ZMYM2: variants seen among roughly 807,000 people sequenced by gnomAD.
ZMYM2 encodes zinc finger MYM-type protein 2.
A neutral mutation model predicts 162.8 loss-of-function variants in ZMYM2; 56 were observed. The ratio of observed to expected loss-of-function variants is 0.34; its 90% CI spans 0.28 to 0.43. The LOEUF (loss-of-function observed/expected upper bound fraction) is 0.43. Among genes scored for constraint, ZMYM2 ranks in the 20% least tolerant of loss-of-function variants. ZMYM2 has a pLI of 1.00. For synonymous variants in ZMYM2, 510 were observed against 541.6 expected (o/e 0.94, Z 0.81); for missense variants, 1,275 against 1,621.8 (o/e 0.79, Z 3.67).
chr13:20,037,342 A>G (rs551215597), intron 12 of ZMYM2, among the ~76,000 whole-genome samples: 15 of 150,804 alleles, frequency 9.9e-5, no homozygotes, highest in Non-Finnish European at 1.8e-4. Flanking sequence ...CAGCCTCCCA[A>G]GTAGCTGGGA....
intron 2 of ZMYM2, among the ~76,000 whole-genome samples, chr13:19,975,496 G>A (rs1956702213): frequency 6.6e-6 from 1 of 152,142 alleles, no homozygotes; most frequent in African/African-American, 2.4e-5. Flanking sequence ...GTATGTATCA[G>A]AGTTTTATTC....
chr13:20,072,380 GT>G (rs1259640006), intron 21 of ZMYM2, among the ~76,000 whole-genome samples: 1 of 152,104 alleles, frequency 6.6e-6, no homozygotes, highest in Non-Finnish European at 1.5e-5. Flanking sequence ...AATTAGCTGG[GT>G]GTAGTGGCGA....
chr13:19,914,696 C>T, the ZMYM2 span, among the ~76,000 whole-genome samples: 1 of 152,204 alleles, frequency 6.6e-6, no homozygotes, highest in African/African-American at 2.4e-5. Flanking sequence ...CCATGGTATT[C>T]CACAAAGCAT....
chr13:20,082,986 G>T lies in ZMYM2; in HGVS notation c.3774G>T (p.Ala1258=), dbSNP rs377253324. 1.2e-6 allele frequency: 2 copies of T among 1,613,768 alleles called. No individual in the cohort carries two copies. The highest frequency in any genetic ancestry group is 2.2e-5 in the East Asian group (1 of 44,882). Residue 1258 remains alanine (A), a synonymous_variant, in exon 23 of 25, where the codon GCG becomes GCT. Transcript: ENST00000610343. ...ATCCTTTAACGATGGAAAACAAAGCGTGTCTTCGATACCAAGTGTCTTCCT... is the reference window on the plus strand; with the variant it reads ...ATCCTTTAACGATGGAAAACAAAGCTTGTCTTCGATACCAAGTGTCTTCCT... ...KKNPLTMENK[A]CLRYQVSSLC...
At chr13:20,062,029 T>A (rs1186473304) in intron 17 of ZMYM2, among the ~76,000 whole-genome samples, 31 of 152,214 alleles carry the variant, frequency 2.0e-4, no homozygotes, top group Admixed American at 2.0e-3. Context: ...CTTAGAATAT[T>A]TATTTTCCAC....
chr13:19,883,796 G>A, the ZMYM2 span, among the ~76,000 whole-genome samples: 12 of 151,900 alleles, frequency 7.9e-5, no homozygotes, highest in Non-Finnish European at 1.6e-4. Context: ...TAATTCTGTT[G>A]CCCAGGCTGG....
the ZMYM2 span, among the ~76,000 whole-genome samples, chr13:19,945,951 G>GAAAAAAAA: frequency 1.9e-4 from 17 of 89,550 alleles, no homozygotes; most frequent in South Asian, 4.3e-4. Context: ...CTCCGTCTCA[G>GAAAAAAAA]AAAAAAAAAA....
At position 19,963,912 on chromosome 13, in the gene ZMYM2, C is replaced by A. The variant is rs369993306; in HGVS notation, c.-11+3886C>A. On this transcript the variant is annotated intron_variant, in intron 2 of 24. Coordinates refer to ENST00000610343, the MANE Select transcript of ZMYM2 (RefSeq NM_197968.4). ...TATGACTTTGGGATTTGTTCTTAGTCCTGTTTTATTTTTAACTTTATAACA... is the reference window on the plus strand; with the variant it reads ...TATGACTTTGGGATTTGTTCTTAGTACTGTTTTATTTTTAACTTTATAACA... 8.4e-4 allele frequency among the ~76,000 whole-genome samples: 128 copies of A among 152,012 alleles called. 4 individuals carry two copies. In the South Asian group the frequency reaches 0.022, roughly 26 times the overall value.
rs1339525412 is a variant in ZMYM2 at position 19,999,923 on chromosome 13, G to A, written c.848-2927G>A. ...AGAGATCCTCCCATCTCAGCCTCCC[G>A]AGTATCTAGGACCATAAGAATGTGC... On this transcript the variant is annotated intron_variant, in intron 3 of 24. Coordinates refer to ENST00000610343, the MANE Select transcript of ZMYM2 (RefSeq NM_197968.4). Among the ~76,000 whole-genome samples, 5 of 152,158 alleles carry A rather than the reference G, an allele frequency of 3.3e-5. No homozygotes were observed. In the South Asian group the frequency reaches 6.2e-4, roughly 19 times the overall value.
intron 2 of ZMYM2, among the ~76,000 whole-genome samples, chr13:19,992,693 G>A (rs914559879): frequency 3.4e-5 from 5 of 149,032 alleles, no homozygotes; most frequent in African/African-American, 1.2e-4. Context: ...TTTTTTTCCT[G>A]TTCAGATGTG....
chr13:19,913,790 A>C, the ZMYM2 span, among the ~76,000 whole-genome samples: 1 of 152,330 alleles, frequency 6.6e-6, no homozygotes, highest in Admixed American at 6.5e-5. Flanking sequence ...AAAAACACCA[A>C]GTAACTTACA....
chr13:20,055,056 C>T (rs552258064), intron 14 of ZMYM2, among the ~76,000 whole-genome samples: 9 of 149,756 alleles, frequency 6.0e-5, no homozygotes, highest in South Asian at 4.3e-4. Flanking sequence ...TTGCAGGATG[C>T]GAGTTTGAGA....
chr13:19,979,303 G>C (rs1466328224), intron 2 of ZMYM2, among the ~76,000 whole-genome samples: 2 of 152,058 alleles, frequency 1.3e-5, no homozygotes, highest in Non-Finnish European at 2.9e-5. Flanking sequence ...TCATATTAGG[G>C]CAGTTTTCAG....
chr13:19,985,715 A>G (rs745769175), intron 2 of ZMYM2, among the ~76,000 whole-genome samples: 2 of 151,544 alleles, frequency 1.3e-5, no homozygotes, highest in Non-Finnish European at 2.9e-5. Context: ...AAGGAAAAAA[A>G]AAAAGAAAAA....
At chr13:20,059,349 A>T (rs1162542278) in intron 15 of ZMYM2, 98 bp from the exon 16 acceptor site, 49 of 1,211,480 alleles carry the variant, frequency 4.0e-5, no homozygotes, top group Admixed American at 8.2e-5. Context: ...AAAGGTACTG[A>T]GGTAGTTAAA....
chr13:19,973,970 A>C (rs938425791), intron 2 of ZMYM2, among the ~76,000 whole-genome samples: 1 of 152,190 alleles, frequency 6.6e-6, no homozygotes, highest in African/African-American at 2.4e-5. Context: ...TACCCTTACC[A>C]TAGGGCATAT....
At chr13:19,918,012 G>A in the ZMYM2 span, among the ~76,000 whole-genome samples, 47 of 152,226 alleles carry the variant, frequency 3.1e-4, no homozygotes, top group Middle Eastern at 0.01. Flanking sequence ...AGTCAAGATC[G>A]TGCCACTGCA....
At chr13:20,043,892 G>A (rs184183369) in intron 12 of ZMYM2, among the ~76,000 whole-genome samples, 2 of 152,178 alleles carry the variant, frequency 1.3e-5, no homozygotes, top group East Asian at 3.9e-4. Context: ...GTCTGTGGGG[G>A]CCACCCCACT....
At chr13:19,998,428 C>A (rs1380717073) in intron 3 of ZMYM2, among the ~76,000 whole-genome samples, 2 of 152,114 alleles carry the variant, frequency 1.3e-5, no homozygotes, top group Non-Finnish European at 2.9e-5. Flanking sequence ...AAGTGACAAG[C>A]CTACAAAATA....
Sources: allele counts gnomAD v4.1 joint callset (sites outside exome capture counted in the v4.1 genomes callset), GRCh38; gene constraint gnomAD v4.1.1; transcripts MANE v1.5; gene names NCBI Gene and HGNC (gene_info 2026-07-23, HGNC 2026-07-21).